Variants in TAGAP observed in about 807,000 individuals in gnomAD.
TAGAP encodes the protein T-cell activation Rho GTPase-activating protein.
TAGAP carries 16 observed loss-of-function variants against 36.0 expected under a neutral mutation model. The observed-to-expected ratio is 0.44, with a 90% CI of 0.30 to 0.68. TAGAP has a LOEUF of 0.68. Among genes scored for constraint, TAGAP ranks in the 30% least tolerant of loss-of-function variants. The pLI is 0.09. For missense variants in TAGAP, 794 were observed against 921.5 expected (o/e 0.86, Z 1.79); for synonymous variants, 372 against 377.4 (o/e 0.99, Z 0.17).
rs764659724 is a variant in TAGAP, at chr6:159,041,498, T to C, written c.333A>G (p.Leu111=). Reference sequence around the variant, plus strand: ...CTTCCGTTGAAGGGCCTTTAAGGCATAGAATAGTGAGAATGTCCTAAAGGA... The same window carrying C: ...CTTCCGTTGAAGGGCCTTTAAGGCACAGAATAGTGAGAATGTCCTAAAGGA... ...PRPIQDILTI[L]CLKGPSTEGI... The change falls in exon 6 of 10, where the codon CTA becomes CTG. Residue 111 remains leucine (L), a synonymous_variant. Coordinates refer to ENST00000367066, the MANE Select transcript of TAGAP (RefSeq NM_054114.5). The surrounding 1 kb of genome is among the most constrained non-coding windows in gnomAD (Gnocchi z 4.1). The C allele has an allele frequency of 4.3e-6, 7 of 1,613,838 alleles. No individual in the cohort carries two copies. Among genetic ancestry groups the C allele is most frequent in the Admixed American group, 3.3e-5 (2 of 59,910 alleles).
At chr6:159,040,211 G>A (rs1779697775) in intron 7 of TAGAP, among the ~76,000 whole-genome samples, 1 of 152,132 alleles carries the variant, frequency 6.6e-6, no homozygotes, top group Non-Finnish European at 1.5e-5. Context: ...TTATTATATA[G>A]TTTTCATTTG....
Position 159,040,845 on chromosome 6 carries a change from A to G in TAGAP, c.478-13T>C. 6.2e-7 allele frequency: 1 copy of G among 1,607,974 alleles called. No individual in the cohort carries two copies. The highest frequency in any genetic ancestry group is 8.5e-7 in the Non-Finnish European group (1 of 1,174,524). ...TTCTGAGGAAGTCCTGGGGGATGAG[A>G]GTGGGCTGTTGGCCTATTGGTACTG... On this transcript the variant is annotated splice_polypyrimidine_tract_variant and intron_variant, in intron 6 of 9. Coordinates refer to ENST00000367066, the MANE Select transcript of TAGAP (RefSeq NM_054114.5).
chr6:159,040,756 T>C lies in TAGAP; in HGVS notation c.554A>G (p.Gln185Arg). Residue 185 changes from glutamine (Q) to arginine (R), a missense_variant, in exon 7 of 10, where the codon CAG (glutamine) becomes CGG (arginine). Transcript: ENST00000367066. ...FEEWMGALEM[Q>R]DEEDRIEALK... ...GGCCTCGATTCTGTCCTCCTCGTCC[T>C]GCATCTCCAGAGCACCCATCCACTC... The C allele has an allele frequency of 6.2e-7, 1 of 1,614,172 alleles. No individual in the cohort carries two copies. Among genetic ancestry groups the C allele is most frequent in the Admixed American group, 1.7e-5 (1 of 60,006 alleles).
At chr6:159,039,053 A>G (rs771796265) in intron 8 of TAGAP, 61 bp downstream of exon 8, 1 of 1,606,794 alleles carries the variant, frequency 6.2e-7, no homozygotes, top group Admixed American at 1.7e-5. Context: ...TATTGCCTGG[A>G]CTTGGCAAAC....
rs1779559939 is a variant in TAGAP, at chr6:159,036,895, G to A, written c.1128C>T (p.Tyr376=). 1 of 1,614,126 alleles carries A rather than the reference G, an allele frequency of 6.2e-7. No individual in the cohort carries two copies. Among genetic ancestry groups the A allele is most frequent in the African/African-American group, 1.3e-5 (1 of 74,950 alleles). ...GGGAGGATGGCATGCTGGGCTCTGA[G>A]TATCTCCTATCGGGCTGTGCGAGGG... ...KSSLAQPDRR[Y]SEPSMPSSQE... is the part of the protein sequence containing the mutation. The change falls in exon 10 of 10, where the codon TAC becomes TAT. Residue 376 remains tyrosine, a synonymous_variant. Coordinates refer to ENST00000367066, the MANE Select transcript of TAGAP (RefSeq NM_054114.5). The surrounding 1 kb of genome is among the most constrained non-coding windows in gnomAD (Gnocchi z 4.9).
In TAGAP at chr6:159,041,328, AT is replaced by A; in HGVS notation, c.477+25del. On this transcript the variant is annotated intron_variant, in intron 6 of 9. Transcript: ENST00000367066. The surrounding 1 kb of genome is among the most constrained non-coding windows in gnomAD (Gnocchi z 4.1). ...GTGTGTCAGGGCCCCTTGGCAGGTTATTTGGCGCAAGTGTGTTGAACTCACC... is the reference window on the plus strand; with the variant it reads ...GTGTGTCAGGGCCCCTTGGCAGGTTATTGGCGCAAGTGTGTTGAACTCACC... 1 of 1,609,060 alleles carries A rather than the reference AT, an allele frequency of 6.2e-7. No homozygotes were observed. The highest frequency in any genetic ancestry group is 1.3e-5 in the African/African-American group (1 of 74,768).
chr6:159,036,182 G>C lies in TAGAP; in HGVS notation c.1841C>G (p.Thr614Ser), dbSNP rs369625327. The change falls in exon 10 of 10, where the codon ACC becomes AGC. Residue 614 changes from threonine (T) to serine (S), a missense_variant. Physicochemically the swap from Thr to Ser is moderately conservative, Grantham distance 58 (BLOSUM62 1). Coordinates refer to ENST00000367066, the MANE Select transcript of TAGAP (RefSeq NM_054114.5). The surrounding 1 kb of genome is among the most constrained non-coding windows in gnomAD (Gnocchi z 4.9). Reference sequence around the variant, plus strand: ...GCTCCCCACCGTCATGCTCCCCACGGTCTGGCTCTCGGAGGCCACTAGTCT... The same window carrying C: ...GCTCCCCACCGTCATGCTCCCCACGCTCTGGCTCTCGGAGGCCACTAGTCT... ...AARLVASESQ[T>S]VGSMTVGSMR... 6.2e-7 allele frequency: 1 copy of C among 1,611,908 alleles called. No individual in the cohort carries two copies. Among genetic ancestry groups the C allele is most frequent in the Non-Finnish European group, 8.5e-7 (1 of 1,179,132 alleles).
Position 159,037,945 on chromosome 6 carries a change from C to T in TAGAP, c.898+169G>A, listed in dbSNP as rs1386243926. 7.9e-5 allele frequency among the ~76,000 whole-genome samples: 12 copies of T among 152,092 alleles called. No homozygotes were observed. Among genetic ancestry groups the T allele is most frequent in the South Asian group, 4.1e-4 (2 of 4,826 alleles). On this transcript the variant is annotated intron_variant, in intron 9 of 9. Coordinates refer to ENST00000367066, the MANE Select transcript of TAGAP (RefSeq NM_054114.5). This position sits in a 1 kb window ranked among gnomAD's most constrained non-coding sequence, Gnocchi z 5.1. ...CTGAGGAGGCGCTGCAGGAAAAGCC[C>T]GGAGCAGGGTTTTCATGTTTAATGA...
intron 9 of TAGAP, 26 bp downstream of exon 9, chr6:159,038,088 T>G: frequency 6.8e-7 from 1 of 1,470,966 alleles, no homozygotes; most frequent in African/African-American, 1.4e-5. Flanking sequence ...CCTACAATCG[T>G]AATCAAATGA....
At chr6:159,039,039 A>G in intron 8 of TAGAP, 75 bp downstream of exon 8, 3 of 1,604,632 alleles carry the variant, frequency 1.9e-6, no homozygotes, top group Non-Finnish European at 2.6e-6. Flanking sequence ...ATTCTGAAGC[A>G]TTTTATTGCC....
At position 159,037,711 on chromosome 6, in the gene TAGAP, GAA is replaced by G. The variant is rs1779595736; in HGVS notation, c.898+401_898+402del. ...AGGAGAGAAAGAGAGGAGAGAATAAGAAAAGAGAGAACAGCATTTCACTGAAA... is the reference window on the plus strand; with the variant it reads ...AGGAGAGAAAGAGAGGAGAGAATAAGAAGAGAGAACAGCATTTCACTGAAA... On this transcript the variant is annotated intron_variant, in intron 9 of 9. Coordinates refer to ENST00000367066, the MANE Select transcript of TAGAP (RefSeq NM_054114.5). This position sits in a 1 kb window ranked among gnomAD's most constrained non-coding sequence, Gnocchi z 5.1. Among the ~76,000 whole-genome samples, 1 of 152,164 alleles carries G rather than the reference GAA, an allele frequency of 6.6e-6. No homozygotes were observed. The highest frequency in any genetic ancestry group is 1.5e-5 in the Non-Finnish European group (1 of 68,022).
chr6:159,039,693 T>A (rs996374522), intron 7 of TAGAP, among the ~76,000 whole-genome samples: 2 of 152,244 alleles, frequency 1.3e-5, no homozygotes, highest in East Asian at 1.9e-4. Context: ...ACGACTAGAC[T>A]GGTTTTCTTG....
chr6:159,043,788 C>A, intron 3 of TAGAP, 133 bp from the exon 4 acceptor site: 2 of 1,049,904 alleles, frequency 1.9e-6, no homozygotes, highest in Non-Finnish European at 2.9e-6. Flanking sequence ...TTTTTTCTAG[C>A]TTCTAGAAGC....
Position 159,044,988 on chromosome 6 carries a change from A to G in TAGAP, c.-168T>C. The stretch of plus-strand genomic sequence containing the variant: ...AGTCCACTGGGAGAGAGAGAGACCG[A>G]GCCGGTCTCCCTTCACATGCTCTGC... On this transcript the variant is annotated 5_prime_UTR_variant, in exon 1 of 10. Transcript: ENST00000367066. The G allele has an allele frequency of 2.5e-6, 1 of 398,442 alleles. No individual in the cohort carries two copies. The highest frequency in any genetic ancestry group is 2.1e-5 in the African/African-American group (1 of 48,678). The allele number at this position is 398,442 out of a possible 1,614,324, so 24.7% of individuals were successfully genotyped here. A position where few individuals can be genotyped will look rare whatever the true frequency, so the allele number is the denominator to read the frequency against.
In TAGAP at chr6:159,044,040, G is replaced by T; in HGVS notation, c.28-9C>A. On this transcript the variant is annotated splice_polypyrimidine_tract_variant and intron_variant, in intron 2 of 9. Coordinates refer to ENST00000367066, the MANE Select transcript of TAGAP (RefSeq NM_054114.5). ...GCGTTTAGTGTTTTTGACTAAAAGA[G>T]AAAAAATAAAATTAGGTAAATATCT... 1 of 1,613,446 alleles carries T rather than the reference G, an allele frequency of 6.2e-7. No homozygotes were observed. The highest frequency in any genetic ancestry group is 8.5e-7 in the Non-Finnish European group (1 of 1,179,726).
Position 159,036,561 on chromosome 6 carries a change from G to A in TAGAP, c.1462C>T (p.His488Tyr), listed in dbSNP as rs748465896. The change falls in exon 10 of 10, where the codon CAT (histidine) becomes TAT (tyrosine). Residue 488 changes from histidine to tyrosine, a missense_variant. Coordinates refer to ENST00000367066, the MANE Select transcript of TAGAP (RefSeq NM_054114.5). The surrounding 1 kb of genome is among the most constrained non-coding windows in gnomAD (Gnocchi z 4.9). ...SSPKRNFFSRHQSFTTKTEKG... is the reference protein window; with the variant it reads ...SSPKRNFFSRYQSFTTKTEKG... ...TCTGTCTTTGTGGTGAAAGACTGAT[G>A]TCTGCTGAAGAAATTTCTTTTGGGA... 2.5e-6 allele frequency: 4 copies of A among 1,614,170 alleles called. No individual in the cohort carries two copies. The highest frequency in any genetic ancestry group is 3.4e-6 in the Non-Finnish European group (4 of 1,180,024).
chr6:159,041,278 C>G lies in TAGAP; in HGVS notation c.477+76G>C. ...GTACCTTGCTGTGTGGGGAGAAGAG[C>G]CTATTTCTTGCATCCTGAGAATGAG... On this transcript the variant is annotated intron_variant, in intron 6 of 9. Transcript: ENST00000367066. The surrounding 1 kb of genome is among the most constrained non-coding windows in gnomAD (Gnocchi z 4.1). The G allele has an allele frequency of 6.4e-7, 1 of 1,552,020 alleles. No individual in the cohort carries two copies. Among genetic ancestry groups the G allele is most frequent in the South Asian group, 1.2e-5 (1 of 84,730 alleles).
At chr6:159,044,352 A>C (rs1045222044) in intron 1 of TAGAP, 148 bp from the exon 2 acceptor site, 1 of 541,232 alleles carries the variant, frequency 1.8e-6, no homozygotes. Flanking sequence ...GGAAAAAACT[A>C]TTACATAGAC....
chr6:159,042,335 A>G, intron 4 of TAGAP, 91 bp from the exon 5 acceptor site: 3 of 1,532,706 alleles, frequency 2.0e-6, no homozygotes, highest in East Asian at 2.3e-5. Flanking sequence ...CGTTGGCCGC[A>G]TAATGTGGTC....
Sources: allele counts gnomAD v4.1 joint callset (sites outside exome capture counted in the v4.1 genomes callset), GRCh38; gene constraint gnomAD v4.1.1; non-coding constraint Gnocchi (gnomAD v3.1); transcripts MANE v1.5; gene names NCBI Gene and HGNC (gene_info 2026-07-23, HGNC 2026-07-21).